CEP41: variants seen among roughly 807,000 people sequenced by gnomAD.
CEP41 encodes the protein centrosomal protein of 41 kDa.
Under a neutral mutation model 44.3 loss-of-function variants are expected in CEP41, and 32 were observed. That is an observed-to-expected ratio of 0.72 (90% confidence interval 0.54 to 0.97). CEP41 has a LOEUF of 0.97. CEP41 is among the 50% of genes least tolerant of loss of function. The pLI is 0.00. For synonymous variants in CEP41, 151 were observed against 168.5 expected, an observed-to-expected ratio of 0.90 and a Z score of 0.80; for missense variants, 432 against 455.2, an observed-to-expected ratio of 0.95 and a Z score of 0.46.
chr7:130,407,071 C>T (rs1797034109), intron 5 of CEP41, among the ~76,000 whole-genome samples: 1 of 151,792 alleles, frequency 6.6e-6, no homozygotes, highest in Non-Finnish European at 1.5e-5. Flanking sequence ...ATAGGACTTA[C>T]AAAAATTTTA....
intron 3 of CEP41, 117 bp downstream of exon 3, chr7:130,416,802 C>T (rs913581461): frequency 8.3e-6 from 7 of 841,530 alleles, no homozygotes; most frequent in South Asian, 4.1e-5. Flanking sequence ...CTAGGCTTAT[C>T]GGACCATCCA....
At chr7:130,419,581 T>C in intron 2 of CEP41, 2 of 982,306 alleles carry the variant, frequency 2.0e-6, no homozygotes, top group Non-Finnish European at 2.4e-6. Context: ...CAATTTTTTT[T>C]AAAAAAAATT....
chr7:130,427,580 T>C (rs932647914), intron 2 of CEP41, among the ~76,000 whole-genome samples: 3 of 152,228 alleles, frequency 2.0e-5, no homozygotes, highest in Non-Finnish European at 4.4e-5. Context: ...TGAACAAATA[T>C]GCATGTGTCT....
At chr7:130,402,034 GTTA>G in intron 7 of CEP41, 86 bp from the exon 8 acceptor site, 1 of 893,204 alleles carries the variant, frequency 1.1e-6, no homozygotes, top group South Asian at 1.3e-5. Context: ...AAATCTAAGA[GTTA>G]AATACATCTT....
chr7:130,411,098 C>T, intron 5 of CEP41, 24 bp downstream of exon 5: 2 of 1,606,918 alleles, frequency 1.2e-6, no homozygotes, highest in Non-Finnish European at 1.7e-6. Context: ...CTGTTATTTT[C>T]CCCACACCCT....
At chr7:130,426,804 A>T (rs1367585439) in intron 2 of CEP41, 1 of 361,090 alleles carries the variant, frequency 2.8e-6, no homozygotes, top group African/African-American at 2.2e-5. Context: ...TCCAATATTG[A>T]CTTCCTCATC....
chr7:130,405,940 A>T (rs1796995708), intron 5 of CEP41, among the ~76,000 whole-genome samples: 2 of 152,224 alleles, frequency 1.3e-5, no homozygotes, highest in Non-Finnish European at 2.9e-5. Context: ...CCGCAGAAGC[A>T]GAGAGGAAAA....
At chr7:130,429,575 T>G (rs1265417002) in intron 1 of CEP41, among the ~76,000 whole-genome samples, 2 of 152,212 alleles carry the variant, frequency 1.3e-5, no homozygotes, top group African/African-American at 4.8e-5. Flanking sequence ...CTTCCTGGCT[T>G]TATCTTCTGC....
In CEP41 at chr7:130,400,030, A is replaced by T. The variant is rs1554416435; in HGVS notation, c.973+9T>A. The T allele has an allele frequency of 6.4e-7, 1 of 1,569,250 alleles. No homozygotes were observed. Among genetic ancestry groups the T allele is most frequent in the East Asian group, 2.2e-5 (1 of 44,686 alleles). ...CCAAACATTATCTTTAAAGGTCAAA[A>T]GATCTTACTAGGATGATCTGCAGGC... On this transcript the variant is annotated intron_variant, in intron 10 of 10. Transcript: ENST00000223208.
Position 130,398,502 on chromosome 7 carries a change from G to A in CEP41, c.*389C>T, listed in dbSNP as rs1554415846. On this transcript the variant is annotated 3_prime_UTR_variant, in exon 11 of 11. Coordinates refer to ENST00000223208, the MANE Select transcript of CEP41 (RefSeq NM_018718.3). ...GTGAATGAAAAGGTGGCAGGGACAGGCACACGGGCAGATGTGACTGAAGTA... is the reference window on the plus strand; with the variant it reads ...GTGAATGAAAAGGTGGCAGGGACAGACACACGGGCAGATGTGACTGAAGTA... The A allele has an allele frequency of 1.8e-5, 8 of 456,560 alleles. No homozygotes were observed. The highest frequency in any genetic ancestry group is 1.1e-4 in the South Asian group (7 of 64,514). 28.3% of individuals were successfully genotyped at this position (456,560 alleles called of 1,614,324 possible).
intron 3 of CEP41, among the ~76,000 whole-genome samples, chr7:130,416,143 C>T (rs1797328930): frequency 6.6e-6 from 1 of 152,196 alleles, no homozygotes; most frequent in Non-Finnish European, 1.5e-5. Flanking sequence ...ATGTACATTA[C>T]CAGAGCCAAG....
At chr7:130,410,169 G>A (rs1285448235) in intron 5 of CEP41, among the ~76,000 whole-genome samples, 2 of 151,872 alleles carry the variant, frequency 1.3e-5, no homozygotes, top group Non-Finnish European at 1.5e-5. Flanking sequence ...GGGATTACAG[G>A]TGCACACCAC....
intron 10 of CEP41, 39 bp from the exon 11 acceptor site, chr7:130,399,078 T>C: frequency 1.2e-6 from 2 of 1,610,772 alleles, no homozygotes; most frequent in Non-Finnish European, 1.7e-6. Context: ...GCTGCAAGAA[T>C]GATTCCAGGG....
At chr7:130,428,155 G>A in intron 1 of CEP41, 137 bp from the exon 2 acceptor site, 1 of 688,402 alleles carries the variant, frequency 1.5e-6, no homozygotes, top group Non-Finnish European at 2.6e-6. Context: ...CGGGCATGGT[G>A]GCTCACGCCT....
chr7:130,393,915 C>T lies in CEP41; in HGVS notation c.*4976G>A. The T allele has an allele frequency of 4.4e-6, 2 of 454,032 alleles. No homozygotes were observed. Among genetic ancestry groups the T allele is most frequent in the South Asian group, 1.6e-5 (1 of 64,462 alleles). 28.1% of individuals were successfully genotyped at this position (454,032 alleles called of 1,614,324 possible). ...GGTGTCCATTAACAGACAAAATAAC[C>T]TCGGAAGCCCTGGAGCACCTGTCTT... On this transcript the variant is annotated 3_prime_UTR_variant, in exon 11 of 11. Transcript: ENST00000223208.
intron 1 of CEP41, among the ~76,000 whole-genome samples, chr7:130,433,156 T>C (rs550760747): frequency 1.7e-4 from 26 of 152,164 alleles, no homozygotes; most frequent in African/African-American, 5.8e-4. Context: ...CACCAGGACA[T>C]TGTTGACGGC....
At chr7:130,417,267 C>G in intron 2 of CEP41, 1 of 1,181,452 alleles carries the variant, frequency 8.5e-7, no homozygotes, top group Non-Finnish European at 1.1e-6. Flanking sequence ...TTTTTCAAGT[C>G]TAGGCTTTCC....
intron 3 of CEP41, among the ~76,000 whole-genome samples, chr7:130,412,467 C>A (rs545545482): frequency 3.9e-5 from 6 of 152,302 alleles, no homozygotes; most frequent in African/African-American, 1.4e-4. Flanking sequence ...AATTTATAAG[C>A]TACCTTTGGT....
At chr7:130,417,168 T>G (rs574233065) in intron 2 of CEP41, 1 of 1,385,016 alleles carries the variant, frequency 7.2e-7, no homozygotes, top group East Asian at 2.8e-5. Flanking sequence ...GAGGGAAATG[T>G]TTTGGTAGAA....
Sources: allele counts gnomAD v4.1 joint callset (sites outside exome capture counted in the v4.1 genomes callset), GRCh38; gene constraint gnomAD v4.1.1; transcripts MANE v1.5; gene names NCBI Gene and HGNC (gene_info 2026-07-23, HGNC 2026-07-21).